Variants in FILIP1 observed in about 807,000 individuals in gnomAD.
The protein encoded by FILIP1 is filamin A interacting protein 1.
Under a neutral mutation model 102.1 loss-of-function variants are expected in FILIP1, and 61 were observed. That is an observed-to-expected ratio of 0.60 (90% CI 0.49 to 0.74). The LOEUF is 0.74. Among genes scored for constraint, FILIP1 ranks in the 30% least tolerant of loss-of-function variants. FILIP1 has a pLI of 0.00. For missense variants in FILIP1, 1,314 were observed against 1,441.2 expected, an observed-to-expected ratio of 0.91 and a Z score of 1.43; for synonymous variants, 491 against 526.9, an observed-to-expected ratio of 0.93 and a Z score of 0.93.
chr6:75,372,698 AAAGAAAGAAAGAAAG>A (rs1775591240), intron 2 of FILIP1, among the ~76,000 whole-genome samples: 8 of 54,272 alleles, frequency 1.5e-4, no homozygotes, highest in East Asian at 1.3e-3. Flanking sequence ...AAAGAAAGAG[AAAGAAAGAAAGAAAG>A]GAAAGAAAGA....
At chr6:75,326,061 T>G (rs1383726537) in intron 4 of FILIP1, among the ~76,000 whole-genome samples, 1 of 148,522 alleles carries the variant, frequency 6.7e-6, no homozygotes, top group East Asian at 2.0e-4. Flanking sequence ...AATAGACAGA[T>G]GATAGATGAT....
In FILIP1 at chr6:75,414,953, C is replaced by G; in HGVS notation, c.20G>C (p.Gly7Ala). 1 of 1,613,514 alleles carries G rather than the reference C, an allele frequency of 6.2e-7. No homozygotes were observed. Residue 7 changes from glycine to alanine, a missense_variant, in exon 2 of 6, where the codon GGT becomes GCT. Gly to Ala is a moderately conservative substitution (Grantham distance 60). This residue lies in a region of FILIP1 where 494 missense variants were observed against 511.2 expected (regional missense o/e 0.97). Coordinates refer to ENST00000237172, the MANE Select transcript of FILIP1 (RefSeq NM_015687.5). MRSRNQ[G>A]GESASDGHIS... ...ATGCCCATCAGATGCACTTTCACCACCTTGGTTTCGAGATCTCATTCCCAC... is the reference window on the plus strand; with the variant it reads ...ATGCCCATCAGATGCACTTTCACCAGCTTGGTTTCGAGATCTCATTCCCAC...
chr6:75,355,231 G>C, intron 3 of FILIP1, among the ~76,000 whole-genome samples: 1 of 151,866 alleles, frequency 6.6e-6, no homozygotes, highest in East Asian at 1.9e-4. Context: ...GGAGGCAGAG[G>C]TTGTAGTAAA....
intron 1 of FILIP1, 147 bp from the exon 2 acceptor site, chr6:75,415,125 C>A: frequency 1.3e-6 from 1 of 752,994 alleles, no homozygotes; most frequent in Admixed American, 2.9e-5. Flanking sequence ...TTCAGGAAAC[C>A]CCTTTGATGG....
At chr6:75,390,821 A>G (rs1019244993) in intron 2 of FILIP1, among the ~76,000 whole-genome samples, 5 of 151,860 alleles carry the variant, frequency 3.3e-5, no homozygotes, top group African/African-American at 1.2e-4. Flanking sequence ...TTCTTTGAAG[A>G]TTTTTGCCTC....
intron 1 of FILIP1, among the ~76,000 whole-genome samples, chr6:75,421,637 C>T (rs953381529): frequency 1.3e-5 from 2 of 152,164 alleles, no homozygotes; most frequent in Non-Finnish European, 2.9e-5. Context: ...GTACTGACTT[C>T]CTCTGCTAAA....
At chr6:75,434,498 A>G (rs1351427376) in intron 1 of FILIP1, among the ~76,000 whole-genome samples, 2 of 152,112 alleles carry the variant, frequency 1.3e-5, no homozygotes, top group Non-Finnish European at 2.9e-5. Flanking sequence ...TTTGTCTATT[A>G]TTGGTGTAAA....
chr6:75,450,657 A>G (rs1292484651), intron 1 of FILIP1, among the ~76,000 whole-genome samples: 2 of 148,040 alleles, frequency 1.4e-5, no homozygotes, highest in East Asian at 5.1e-4. Context: ...AAAAAGAAAA[A>G]AAAAAAAAAA....
chr6:75,361,185 T>A (rs1775162069), intron 3 of FILIP1, among the ~76,000 whole-genome samples: 1 of 152,204 alleles, frequency 6.6e-6, no homozygotes, highest in Non-Finnish European at 1.5e-5. Context: ...ACTCACAGGA[T>A]GAGTGTTTTC....
intron 4 of FILIP1, among the ~76,000 whole-genome samples, chr6:75,333,139 TACTC>T (rs1261884151): frequency 6.6e-6 from 1 of 152,200 alleles, no homozygotes; most frequent in East Asian, 1.9e-4. Context: ...TTCATTTACT[TACTC>T]AGAAAAGTAA....
At chr6:75,462,936 A>G (rs1283314418) in intron 1 of FILIP1, among the ~76,000 whole-genome samples, 2 of 152,168 alleles carry the variant, frequency 1.3e-5, no homozygotes, top group African/African-American at 4.8e-5. Context: ...GGGAATGGGA[A>G]GAGGGGTCAA....
intron 2 of FILIP1, among the ~76,000 whole-genome samples, chr6:75,394,690 C>G (rs1026113578): frequency 3.3e-5 from 5 of 152,084 alleles, no homozygotes; most frequent in African/African-American, 1.2e-4. Context: ...GATGTTCAAC[C>G]TTACTCATAA....
At chr6:75,363,168 C>T in intron 2 of FILIP1, 5 of 346,178 alleles carry the variant, frequency 1.4e-5, no homozygotes, top group South Asian at 5.2e-5. Context: ...ATAAAAATTG[C>T]TTTATCTAAG....
At chr6:75,374,443 A>G (rs1775682432) in intron 2 of FILIP1, among the ~76,000 whole-genome samples, 1 of 152,058 alleles carries the variant, frequency 6.6e-6, no homozygotes, top group Admixed American at 6.5e-5. Flanking sequence ...CAGTGGTGCG[A>G]TCTCAGCTCA....
chr6:75,326,476 C>CA (rs1281649476), intron 4 of FILIP1, among the ~76,000 whole-genome samples: 2 of 152,012 alleles, frequency 1.3e-5, no homozygotes, highest in South Asian at 2.1e-4. Flanking sequence ...TATCCCTGAA[C>CA]AAAAAACCAC....
chr6:75,336,299 C>T (rs1405567379), intron 4 of FILIP1, among the ~76,000 whole-genome samples: 1 of 152,110 alleles, frequency 6.6e-6, no homozygotes, highest in Non-Finnish European at 1.5e-5. Context: ...CTTCAGTTAA[C>T]TCAGCTGTAT....
chr6:75,458,274 A>G (rs950831561), intron 1 of FILIP1: 1 of 152,160 alleles, frequency 6.6e-6, no homozygotes, highest in African/African-American at 2.4e-5. Context: ...ACATTCTACA[A>G]TACCTCCGAC....
At chr6:75,341,081 A>G (rs188405175) in intron 4 of FILIP1, among the ~76,000 whole-genome samples, 31 of 151,952 alleles carry the variant, frequency 2.0e-4, no homozygotes, top group African/African-American at 6.5e-4. Context: ...TATTTTTAGA[A>G]CTACATTAAA....
chr6:75,441,613 A>AC (rs1231331301), intron 1 of FILIP1, among the ~76,000 whole-genome samples: 76 of 126,908 alleles, frequency 6.0e-4, no homozygotes, highest in South Asian at 2.3e-3. Flanking sequence ...CAGGGGGCTG[A>AC]CCCCCCCGAC....
Sources: allele counts gnomAD v4.1 joint callset (sites outside exome capture counted in the v4.1 genomes callset), GRCh38; gene constraint gnomAD v4.1.1; regional missense constraint gnomAD v4.1.1; transcripts MANE v1.5; gene names NCBI Gene and HGNC (gene_info 2026-07-23, HGNC 2026-07-21).